FABP1: variants seen among roughly 807,000 people sequenced by gnomAD.
The protein encoded by FABP1 is fatty acid binding protein 1, also known as fatty acid-binding protein, liver.
Under a neutral mutation model 13.7 loss-of-function variants are expected in FABP1, and 13 were observed. The ratio of observed to expected loss-of-function variants is 0.95; its 90% CI spans 0.62 to 1.51. The LOEUF (loss-of-function observed/expected upper bound fraction) is 1.51. FABP1 is among the 40% of genes most tolerant of loss of function. The pLI, the probability that FABP1 is intolerant of heterozygous loss-of-function variation, is 0.00. For missense variants in FABP1, 140 were observed against 155.7 expected (o/e 0.90, Z 0.54); for synonymous variants, 48 against 59.8 (o/e 0.80, Z 0.91).
chr2:88,124,144 C>G, intron 3 of FABP1: 1 of 221,188 alleles, frequency 4.5e-6, no homozygotes, highest in Non-Finnish European at 8.7e-6. Flanking sequence ...GACTGCATAA[C>G]TGGACTGTGC....
chr2:88,128,006 G>C lies in FABP1; in HGVS notation c.12C>G (p.Ser4=), dbSNP rs144743993. 3 of 1,614,188 alleles carry C rather than the reference G, an allele frequency of 1.9e-6. No individual in the cohort carries two copies. The East Asian group carries it at 6.7e-5, about 36-fold the overall frequency. Residue 4 remains serine (S), a synonymous_variant, in exon 1 of 4, where the codon TCC becomes TCG. Transcript: ENST00000295834. ...CCTGGCTCTGCAGTTGGTACTTGCC[G>C]GAGAAACTCATGGTGGCAATAGAGC... MSF[S]GKYQLQSQEN...
rs773405309 is a variant in FABP1 at position 88,124,509 on chromosome 2, G to C, written c.318C>G (p.Gly106=). The part of the protein sequence containing the change: ...KNIKSVTELN[G]DIITNTMTLG... ...ACCAACTTACATTGGTGATTATGTC[G>C]CCGTTGAGTTCGGTCACAGACTTGA... is the stretch of plus-strand genomic sequence containing the variant. The change falls in exon 3 of 4, where the codon GGC becomes GGG. Residue 106 remains glycine, a synonymous_variant. Coordinates refer to ENST00000295834, the MANE Select transcript of FABP1 (RefSeq NM_001443.3). 3 of 1,606,116 alleles carry C rather than the reference G, an allele frequency of 1.9e-6. No homozygotes were observed. Among genetic ancestry groups the C allele is most frequent in the Non-Finnish European group, 2.5e-6 (3 of 1,176,584 alleles).
Position 88,123,027 on chromosome 2 carries a change from C to A in FABP1, c.*27G>T, listed in dbSNP as rs1675231956. 6.3e-7 allele frequency: 1 copy of A among 1,579,574 alleles called. No individual in the cohort carries two copies. The highest frequency in any genetic ancestry group is 8.6e-7 in the Non-Finnish European group (1 of 1,157,862). The stretch of plus-strand genomic sequence containing the variant: ...CACTTTATTACATTAATTTTACACA[C>A]TAAAATAATATGAAATGCAGACTTG... On this transcript the variant is annotated 3_prime_UTR_variant, in exon 4 of 4. Coordinates refer to ENST00000295834, the MANE Select transcript of FABP1 (RefSeq NM_001443.3).
Position 88,128,045 on chromosome 2 carries a change from C to T in FABP1, c.-28G>A, listed in dbSNP as rs770540257. On this transcript the variant is annotated 5_prime_UTR_variant, in exon 1 of 4. Coordinates refer to ENST00000295834, the MANE Select transcript of FABP1 (RefSeq NM_001443.3). ...TGGCAATAGAGCTCCCTCTTCACGA[C>T]TGACCTGCGGCTCTGCCGACCAGAC... is the stretch of plus-strand genomic sequence containing the variant. 6.2e-7 allele frequency: 1 copy of T among 1,611,586 alleles called. No homozygotes were observed. The highest frequency in any genetic ancestry group is 8.5e-7 in the Non-Finnish European group (1 of 1,177,800).
intron 1 of FABP1, among the ~76,000 whole-genome samples, chr2:88,127,019 G>T (rs991583887): frequency 6.6e-6 from 1 of 152,150 alleles, no homozygotes; most frequent in East Asian, 1.9e-4. Context: ...GGTATGGCTT[G>T]CCTGCAGAAG....
chr2:88,123,086 T>C lies in FABP1; in HGVS notation c.352A>G (p.Ile118Val), dbSNP rs1675232977. 1 of 1,612,136 alleles carries C rather than the reference T, an allele frequency of 6.2e-7. No individual in the cohort carries two copies. The highest frequency in any genetic ancestry group is 8.5e-7 in the Non-Finnish European group (1 of 1,179,330). ...CTCTTGCTGATTCTCTTGAAGACAATGTCACCCAATGTCATGGTCTGAAAG... is the reference window on the plus strand; with the variant it reads ...CTCTTGCTGATTCTCTTGAAGACAACGTCACCCAATGTCATGGTCTGAAAG... ...IITNTMTLGD[I>V]VFKRISKRI is the part of the protein sequence containing the mutation. The change falls in exon 4 of 4, where the codon ATT (isoleucine) becomes GTT (valine). Residue 118 changes from isoleucine (I) to valine (V), a missense_variant. Ile to Val is a conservative substitution (Grantham distance 29, BLOSUM62 3). Transcript: ENST00000295834.
chr2:88,124,575 C>A lies in FABP1; in HGVS notation c.252G>T (p.Gln84His). 1 of 1,611,088 alleles carries A rather than the reference C, an allele frequency of 6.2e-7. No individual in the cohort carries two copies. The highest frequency in any genetic ancestry group is 1.7e-5 in the Admixed American group (1 of 59,556). Reference sequence around the variant, plus strand: ...TCACCAGTTTATTGTCACCTTCCAACTGAACCACTGTCTGCAGGGAACAGA... The same window carrying A: ...TCACCAGTTTATTGTCACCTTCCAAATGAACCACTGTCTGCAGGGAACAGA... Reference protein sequence around the residue: ...MTGEKVKTVVQLEGDNKLVTT... With the variant: ...MTGEKVKTVVHLEGDNKLVTT... The change falls in exon 3 of 4, where the codon CAG (glutamine) becomes CAT (histidine). Residue 84 changes from glutamine to histidine, a missense_variant. Gln to His is a conservative substitution (Grantham distance 24, BLOSUM62 0). Transcript: ENST00000295834.
Position 88,126,432 on chromosome 2 carries a change from C to A in FABP1, c.68-84G>T, listed in dbSNP as rs563522532. ...TAGGTAGGTGAGAGAAACGACATGA[C>A]ATGGAGGGACAGAGAAGGGCACTGT... On this transcript the variant is annotated intron_variant, in intron 1 of 3. Transcript: ENST00000295834. 3.5e-5 allele frequency: 48 copies of A among 1,383,930 alleles called. No individual in the cohort carries two copies. In the South Asian group the frequency reaches 5.6e-4, roughly 16 times the overall value. 85.7% of individuals were successfully genotyped at this position (1,383,930 alleles called of 1,614,324 possible). A position where few individuals can be genotyped will look rare whatever the true frequency, so the allele number is the denominator to read the frequency against.
chr2:88,126,119 A>G, intron 2 of FABP1, 57 bp downstream of exon 2: 1 of 1,531,662 alleles, frequency 6.5e-7, no homozygotes. Context: ...TTGAGGAATG[A>G]GGTCCCAGGG....
At chr2:88,126,541 G>A (rs1053659581) in intron 1 of FABP1, 193 bp from the exon 2 acceptor site, 18 of 548,198 alleles carry the variant, frequency 3.3e-5, no homozygotes, top group Non-Finnish European at 5.2e-5. Context: ...CAGTGACCTG[G>A]CCTGGCCTGC....
rs371492378 is a variant in FABP1, at chr2:88,125,018, C to T, written c.241-432G>A. Among the ~76,000 whole-genome samples, 46 of 150,268 alleles carry T rather than the reference C, an allele frequency of 3.1e-4. 1 individual carries two copies. Among genetic ancestry groups the T allele is most frequent in the African/African-American group, 1.1e-3 (43 of 40,808 alleles). ...TGAGATGAGGTCTTGCTATGTTGCC[C>T]AGGCTGGTCTTGAACTCCTAGGCTC... On this transcript the variant is annotated intron_variant, in intron 2 of 3. Coordinates refer to ENST00000295834, the MANE Select transcript of FABP1 (RefSeq NM_001443.3).
chr2:88,124,085 C>A, intron 3 of FABP1: 1 of 169,310 alleles, frequency 5.9e-6, no homozygotes, highest in Non-Finnish European at 1.2e-5. Flanking sequence ...CTGCACCATT[C>A]ACCCCCAAAT....
At chr2:88,124,916 G>GCAAAATT (rs1014230869) in intron 2 of FABP1, among the ~76,000 whole-genome samples, 23 of 151,536 alleles carry the variant, frequency 1.5e-4, no homozygotes, top group African/African-American at 5.6e-4. Context: ...GGAGGTAGTG[G>GCAAAATT]CAAAATTCAA....
Position 88,124,520 on chromosome 2 carries a change from C to T in FABP1, c.307G>A (p.Glu103Lys), listed in dbSNP as rs754201889. 9.9e-6 allele frequency: 16 copies of T among 1,608,400 alleles called. No homozygotes were observed. The highest frequency in any genetic ancestry group is 2.7e-5 in the African/African-American group (2 of 74,652). The change falls in exon 3 of 4, where the codon GAA becomes AAA. Residue 103 changes from glutamate (E) to lysine (K), a missense_variant. Glu to Lys is a moderately conservative substitution (Grantham distance 56). Transcript: ENST00000295834. ...TTFKNIKSVT[E>K]LNGDIITNTM... ...TTGGTGATTATGTCGCCGTTGAGTT[C>T]GGTCACAGACTTGATGTTTTTGAAA...
In FABP1 at chr2:88,126,065, G is replaced by A. The variant is rs892565749; in HGVS notation, c.240+111C>T. 3 of 1,128,518 alleles carry A rather than the reference G, an allele frequency of 2.7e-6. No individual in the cohort carries two copies. The African/African-American group carries it at 4.6e-5, about 17-fold the overall frequency. The allele number at this position is 1,128,518 out of a possible 1,614,324, so 69.9% of individuals were successfully genotyped here. A position where few individuals can be genotyped will look rare whatever the true frequency, so the allele number is the denominator to read the frequency against. ...CTCTGCTTCTCCCACATGGGAGGTG[G>A]GTTCAGAGATGGTATCTGTGGGTGG... On this transcript the variant is annotated intron_variant, in intron 2 of 3. Coordinates refer to ENST00000295834, the MANE Select transcript of FABP1 (RefSeq NM_001443.3).
intron 3 of FABP1, chr2:88,123,945 T>TAGTTTAAGAATTTTTCC (rs1675248870): frequency 6.6e-6 from 1 of 152,406 alleles, no homozygotes; most frequent in Non-Finnish European, 1.5e-5. Flanking sequence ...ACACTCTCTC[T>TAGTTTAAGAATTTTTCC]AGTTTAAGAA....
chr2:88,125,801 A>C, intron 2 of FABP1: 1 of 167,706 alleles, frequency 6.0e-6, no homozygotes, highest in East Asian at 1.6e-4. Context: ...GGGCTCAGTT[A>C]AGGGTTTTTC....
chr2:88,123,359 T>C (rs934545036), intron 3 of FABP1: 2 of 504,220 alleles, frequency 4.0e-6, no homozygotes, highest in Non-Finnish European at 3.5e-6. Context: ...AATTCTTTTC[T>C]ACATCAATGA....
intron 1 of FABP1, among the ~76,000 whole-genome samples, chr2:88,127,320 G>A (rs1558866782): frequency 6.6e-6 from 1 of 152,154 alleles, no homozygotes; most frequent in Non-Finnish European, 1.5e-5. Context: ...GAGAACCAGT[G>A]CCTGCTTCCA....
Sources: gnomAD v4.1 joint callset for allele counts (sites outside exome capture counted in the v4.1 genomes callset) on GRCh38, gnomAD v4.1.1 for gene constraint, MANE v1.5 for transcripts, NCBI Gene and HGNC (gene_info 2026-07-23, HGNC 2026-07-21) for gene names.